Variants in TAFA1 observed in about 807,000 individuals in gnomAD.
TAFA1 encodes chemokine-like protein TAFA-1.
In TAFA1, 4 loss-of-function variants were observed where a neutral mutation model predicts 18.5. That is an observed-to-expected ratio of 0.22 (90% confidence interval 0.11 to 0.49). The LOEUF (loss-of-function observed/expected upper bound fraction) is 0.49, where lower values mean the gene tolerates loss of function less well. Among genes scored for constraint, TAFA1 ranks in the 20% least tolerant of loss-of-function variants. TAFA1 has a pLI of 0.98. For synonymous variants in TAFA1, 56 were observed against 55.2 expected, an observed-to-expected ratio of 1.01 and a Z score of -0.06; for missense variants, 147 against 169.0, an observed-to-expected ratio of 0.87 and a Z score of 0.72.
At chr3:68,366,815 G>T (rs1305696704) in intron 2 of TAFA1, among the ~76,000 whole-genome samples, 2 of 152,154 alleles carry the variant, frequency 1.3e-5, no homozygotes, top group East Asian at 3.9e-4. Flanking sequence ...AACAGTATGT[G>T]CTCAATAAAC....
intron 3 of TAFA1, among the ~76,000 whole-genome samples, chr3:68,438,474 C>T (rs942908631): frequency 6.6e-6 from 1 of 152,172 alleles, no homozygotes; most frequent in African/African-American, 2.4e-5. Flanking sequence ...TGTGGCTTGG[C>T]TGGACTCAGT....
intron 2 of TAFA1, among the ~76,000 whole-genome samples, chr3:68,350,806 C>T (rs754906882): frequency 1.9e-4 from 29 of 152,148 alleles, no homozygotes; most frequent in Admixed American, 3.9e-4. Context: ...GTCGTGTGGC[C>T]GTGGACCAGC....
chr3:68,513,779 C>A (rs917934473), intron 3 of TAFA1, among the ~76,000 whole-genome samples: 1 of 152,160 alleles, frequency 6.6e-6, no homozygotes, highest in African/African-American at 2.4e-5. Flanking sequence ...GAGTAACTTG[C>A]CCATTGAGAC....
chr3:68,170,790 T>C (rs1029387155), intron 2 of TAFA1, among the ~76,000 whole-genome samples: 1 of 152,002 alleles, frequency 6.6e-6, no homozygotes, highest in Non-Finnish European at 1.5e-5. Flanking sequence ...ATTTGTTCAA[T>C]CACTGCCTGA....
At chr3:68,076,931 A>G (rs1177095305) in intron 2 of TAFA1, among the ~76,000 whole-genome samples, 1 of 152,164 alleles carries the variant, frequency 6.6e-6, no homozygotes, top group Non-Finnish European at 1.5e-5. Flanking sequence ...CCAACAGTGT[A>G]AAAGTGTTCC....
At chr3:68,262,104 C>T (rs2067437723) in intron 2 of TAFA1, among the ~76,000 whole-genome samples, 2 of 151,232 alleles carry the variant, frequency 1.3e-5, no homozygotes, top group Non-Finnish European at 2.9e-5. Context: ...TGCTCAATCT[C>T]CAAGTGAACT....
intron 2 of TAFA1, among the ~76,000 whole-genome samples, chr3:68,043,670 A>C (rs1476788177): frequency 6.6e-6 from 1 of 152,130 alleles, no homozygotes; most frequent in Non-Finnish European, 1.5e-5. Flanking sequence ...TGCAGGATTT[A>C]AACATTTTTT....
At chr3:68,266,458 G>T (rs370875515) in intron 2 of TAFA1, among the ~76,000 whole-genome samples, 2 of 152,192 alleles carry the variant, frequency 1.3e-5, no homozygotes, top group African/African-American at 2.4e-5. Flanking sequence ...CTACCATCCC[G>T]CATGATACTG....
At chr3:68,345,174 T>C (rs1419851110) in intron 2 of TAFA1, among the ~76,000 whole-genome samples, 2 of 152,204 alleles carry the variant, frequency 1.3e-5, no homozygotes, top group Non-Finnish European at 2.9e-5. Flanking sequence ...CCAGACCAAC[T>C]GTGAACCTCT....
intron 2 of TAFA1, among the ~76,000 whole-genome samples, chr3:68,042,325 T>C (rs73106866): frequency 0.033 from 5,102 of 152,334 alleles, 130 homozygotes; most frequent in Non-Finnish European, 0.055. Flanking sequence ...CTAGCAGATA[T>C]TGTTTTCAAT....
chr3:67,996,734 G>A, the TAFA1 span, among the ~76,000 whole-genome samples: 1 of 151,946 alleles, frequency 6.6e-6, no homozygotes, highest in East Asian at 1.9e-4. Flanking sequence ...GGGAGGCAGA[G>A]GTTGCAGTGA....
intron 2 of TAFA1, among the ~76,000 whole-genome samples, chr3:68,156,330 A>G (rs1023755749): frequency 6.6e-6 from 1 of 152,218 alleles, no homozygotes; most frequent in Non-Finnish European, 1.5e-5. Context: ...AAAAGCAGGC[A>G]TGCAATCTGA....
At position 68,006,561 on chromosome 3, in the gene TAFA1, G is replaced by T. The variant is rs534126676; in HGVS notation, c.-3-63G>T. The stretch of plus-strand genomic sequence containing the variant: ...CTGAGACCTCCCTTCCCTCATCAGT[G>T]GGGCTGACTGAGCTGGGGGCTTGAA... On this transcript the variant is annotated intron_variant, in intron 1 of 4. Coordinates refer to ENST00000478136, the MANE Select transcript of TAFA1 (RefSeq NM_213609.4). 2.7e-5 allele frequency: 28 copies of T among 1,053,352 alleles called. No homozygotes were observed. In the South Asian group the frequency reaches 3.5e-4, roughly 13 times the overall value. 65.3% of individuals were successfully genotyped at this position (1,053,352 alleles called of 1,614,324 possible).
At chr3:68,244,780 A>G (rs900497787) in intron 2 of TAFA1, among the ~76,000 whole-genome samples, 1 of 152,210 alleles carries the variant, frequency 6.6e-6, no homozygotes, top group Non-Finnish European at 1.5e-5. Context: ...CATATTTCTA[A>G]GCACATTCCC....
At chr3:68,262,090 T>G (rs1348175348) in intron 2 of TAFA1, among the ~76,000 whole-genome samples, 1 of 151,310 alleles carries the variant, frequency 6.6e-6, no homozygotes, top group Non-Finnish European at 1.5e-5. Context: ...GGAGAAACGC[T>G]CTCTGCTCAA....
At chr3:68,289,744 G>A (rs1160977478) in intron 2 of TAFA1, among the ~76,000 whole-genome samples, 2 of 152,164 alleles carry the variant, frequency 1.3e-5, no homozygotes, top group Non-Finnish European at 2.9e-5. Flanking sequence ...AATGAGGGAA[G>A]AAGAGAAATT....
At chr3:68,397,489 A>T (rs899779656) in intron 2 of TAFA1, among the ~76,000 whole-genome samples, 1 of 152,068 alleles carries the variant, frequency 6.6e-6, no homozygotes, top group Non-Finnish European at 1.5e-5. Flanking sequence ...AAGGACATAA[A>T]CTCATTCTTT....
intron 2 of TAFA1, among the ~76,000 whole-genome samples, chr3:68,271,861 T>C (rs1353485280): frequency 5.4e-5 from 8 of 148,418 alleles, no homozygotes; most frequent in Non-Finnish European, 1.0e-4. Context: ...CACACACACA[T>C]TTAAATATAT....
Position 68,040,159 on chromosome 3 carries a change from A to G in TAFA1, c.118+33415A>G, listed in dbSNP as rs528958067. On this transcript the variant is annotated intron_variant, in intron 2 of 4. Transcript: ENST00000478136. ...TTTTAATAAATATTTTTGGGATGAT[A>G]TTCAGATTATTCTTTTAACATTTGT... is the stretch of plus-strand genomic sequence containing the variant. Among the ~76,000 whole-genome samples the G allele has an allele frequency of 3.9e-5, 6 of 152,300 alleles. No homozygotes were observed. The South Asian group carries it at 1.2e-3, about 32-fold the overall frequency.
Sources: allele counts gnomAD v4.1 joint callset (sites outside exome capture counted in the v4.1 genomes callset), GRCh38; gene constraint gnomAD v4.1.1; transcripts MANE v1.5; gene names NCBI Gene and HGNC (gene_info 2026-07-23, HGNC 2026-07-21).